The following TBL1XR1 variants were observed in gnomAD, a reference collection of about 807,000 sequenced individuals.
TBL1XR1 encodes the protein TBL1X/Y related 1.
In TBL1XR1, 5 loss-of-function variants were observed where a neutral mutation model predicts 66.9. That is an observed-to-expected ratio of 0.07 (90% confidence interval 0.04 to 0.16). The LOEUF (loss-of-function observed/expected upper bound fraction) is 0.16, where lower values mean the gene tolerates loss of function less well. TBL1XR1 is among the 10% of genes least tolerant of loss of function. The pLI, the probability that TBL1XR1 is intolerant of heterozygous loss-of-function variation, is 1.00. For missense variants in TBL1XR1, 238 were observed against 623.2 expected, an observed-to-expected ratio of 0.38 and a Z score of 6.58; for synonymous variants, 210 against 206.0, an observed-to-expected ratio of 1.02 and a Z score of -0.17.
At chr3:177,031,395 T>TA (rs1713986895) in intron 14 of TBL1XR1, among the ~76,000 whole-genome samples, 1 of 151,096 alleles carries the variant, frequency 6.6e-6, no homozygotes, top group African/African-American at 2.4e-5. Context: ...AGTGCCGTGG[T>TA]GTGATCTTGG....
Position 177,021,034 on chromosome 3 carries a change from A to G in TBL1XR1, c.*4464T>C, listed in dbSNP as rs1345176607. ...ATGAAGTTCTTTAACATGTACAAAA[A>G]CCTGTCATGGGCTGGTTTACACTTT... On this transcript the variant is annotated 3_prime_UTR_variant, in exon 16 of 16. Transcript: ENST00000457928. The G allele has an allele frequency of 2.0e-5, 3 of 152,106 alleles. No individual in the cohort carries two copies. The highest frequency in any genetic ancestry group is 2.9e-5 in the Non-Finnish European group (2 of 67,992). 9.4% of individuals were successfully genotyped at this position (152,106 alleles called of 1,614,324 possible).
intron 7 of TBL1XR1, among the ~76,000 whole-genome samples, chr3:177,048,270 TA>T (rs1716589622): frequency 6.6e-6 from 1 of 152,170 alleles, no homozygotes. Flanking sequence ...AATTGTGTAA[TA>T]AAAGGACAGA....
At chr3:177,048,049 C>A (rs1313442242) in intron 7 of TBL1XR1, 1 of 152,724 alleles carries the variant, frequency 6.5e-6, no homozygotes, top group African/African-American at 2.4e-5. Context: ...TGATCAGATT[C>A]TTAAATACTT....
At chr3:177,185,854 T>TA (rs1046252737) in intron 1 of TBL1XR1, among the ~76,000 whole-genome samples, 6 of 151,672 alleles carry the variant, frequency 4.0e-5, no homozygotes, top group African/African-American at 7.3e-5. Flanking sequence ...AAATTAAAAA[T>TA]AAAAAAATTG....
Position 177,136,364 on chromosome 3 carries a change from C to T in TBL1XR1, c.-121-37823G>A, listed in dbSNP as rs563532676. ...TCTCGGCTCACTGCAACCTCCGTCT[C>T]CCGGATTCAAGTGATTCTCCTGCCT... On this transcript the variant is annotated intron_variant, in intron 1 of 15. Coordinates refer to ENST00000457928, the MANE Select transcript of TBL1XR1 (RefSeq NM_024665.7). 2.6e-5 allele frequency: 4 copies of T among 152,142 alleles called. No homozygotes were observed. In the East Asian group the frequency reaches 7.7e-4, roughly 29 times the overall value. The allele number at this position is 152,142 out of a possible 1,614,324, so 9.4% of individuals were successfully genotyped here.
intron 1 of TBL1XR1, chr3:177,131,392 C>T (rs950518274): frequency 1.0e-6 from 1 of 985,256 alleles, no homozygotes; most frequent in African/African-American, 1.7e-5. Flanking sequence ...CACTCACTGC[C>T]TCCTGAGCTC....
chr3:177,093,043 T>C (rs1392920666), intron 2 of TBL1XR1, among the ~76,000 whole-genome samples: 1 of 152,128 alleles, frequency 6.6e-6, no homozygotes, highest in East Asian at 1.9e-4. Flanking sequence ...TTGCTGATAA[T>C]ATAATTGTAT....
intron 1 of TBL1XR1, among the ~76,000 whole-genome samples, chr3:177,152,903 C>T (rs770724723): frequency 1.3e-5 from 2 of 152,084 alleles, no homozygotes; most frequent in Admixed American, 6.6e-5. Context: ...CCCAACAGAA[C>T]CACACTGTTT....
intron 14 of TBL1XR1, chr3:177,032,474 T>C (rs1403043000): frequency 6.6e-6 from 1 of 152,248 alleles, no homozygotes; most frequent in East Asian, 1.9e-4. Context: ...AACTAAAACA[T>C]TGAGAAGATT....
At chr3:177,182,618 G>A (rs1734961730) in intron 1 of TBL1XR1, among the ~76,000 whole-genome samples, 1 of 152,162 alleles carries the variant, frequency 6.6e-6, no homozygotes, top group African/African-American at 2.4e-5. Context: ...GTCAAGATGG[G>A]TGAGAGAGAC....
rs529445466 is a variant in TBL1XR1 at position 177,115,951 on chromosome 3, T to C, written c.-121-17410A>G. 4.6e-5 allele frequency among the ~76,000 whole-genome samples: 7 copies of C among 152,288 alleles called. No individual in the cohort carries two copies. In the South Asian group the frequency reaches 1.4e-3, roughly 32 times the overall value. On this transcript the variant is annotated intron_variant, in intron 1 of 15. Transcript: ENST00000457928. ...GGCTGGTAAGGCCTCAGAAGTCCGC[T>C]AGGGAAGGAATGAGGAGGCCAGGGG...
At chr3:177,032,807 T>C in intron 14 of TBL1XR1, 164 bp downstream of exon 14, 1 of 485,464 alleles carries the variant, frequency 2.1e-6, no homozygotes, top group Middle Eastern at 5.6e-4. Flanking sequence ...AAAATTCCAG[T>C]CTCCATAAAG....
At chr3:177,147,223 T>G (rs1028302613) in intron 1 of TBL1XR1, among the ~76,000 whole-genome samples, 13 of 151,456 alleles carry the variant, frequency 8.6e-5, no homozygotes, top group Non-Finnish European at 1.5e-4. Flanking sequence ...ACATTTTTGG[T>G]TTTTTTATAG....
chr3:177,074,562 C>G (rs1248704237), intron 2 of TBL1XR1, among the ~76,000 whole-genome samples: 1 of 152,172 alleles, frequency 6.6e-6, no homozygotes, highest in African/African-American at 2.4e-5. Context: ...TTGACAACTT[C>G]CTCATCCCCA....
At chr3:177,040,561 A>G (rs1184994820) in intron 10 of TBL1XR1, among the ~76,000 whole-genome samples, 3 of 152,242 alleles carry the variant, frequency 2.0e-5, no homozygotes, top group African/African-American at 7.2e-5. Context: ...GGATAGGAGA[A>G]GTAAAAAGAA....
chr3:177,151,760 GCA>G (rs1486807387), intron 1 of TBL1XR1, among the ~76,000 whole-genome samples: 3 of 152,158 alleles, frequency 2.0e-5, no homozygotes, highest in African/African-American at 7.2e-5. Context: ...TCCCAGACGG[GCA>G]CGGTGGCTCA....
At chr3:177,115,679 TTA>T (rs1309931965) in intron 1 of TBL1XR1, among the ~76,000 whole-genome samples, 2 of 152,232 alleles carry the variant, frequency 1.3e-5, no homozygotes, top group Non-Finnish European at 2.9e-5. Context: ...ATCCCAAAAT[TTA>T]TAATTGAACA....
At position 177,038,578 on chromosome 3, in the gene TBL1XR1, AAATT is replaced by A. The variant is rs1715133981; in HGVS notation, c.926-148_926-145del. The A allele has an allele frequency of 3.9e-6, 3 of 774,822 alleles. No homozygotes were observed. The East Asian group carries it at 9.0e-5, about 23-fold the overall frequency. The allele number at this position is 774,822 out of a possible 1,614,324, so 48.0% of individuals were successfully genotyped here. On this transcript the variant is annotated intron_variant, in intron 10 of 15. Coordinates refer to ENST00000457928, the MANE Select transcript of TBL1XR1 (RefSeq NM_024665.7). ...TTATACTTTTTAAGATATTAAGAAA[AAATT>A]AAAATAAAAGTATCTATATACAACA...
chr3:177,180,246 A>AC (rs1448982369), intron 1 of TBL1XR1, among the ~76,000 whole-genome samples: 1 of 151,024 alleles, frequency 6.6e-6, no homozygotes, highest in East Asian at 1.9e-4. Context: ...AAAAAAAAAA[A>AC]AAAAAAAAAA....
Sources: allele counts gnomAD v4.1 joint callset (sites outside exome capture counted in the v4.1 genomes callset), GRCh38; gene constraint gnomAD v4.1.1; transcripts MANE v1.5; gene names NCBI Gene and HGNC (gene_info 2026-07-23, HGNC 2026-07-21).